EBF2: variants seen among roughly 807,000 people sequenced by gnomAD.
The protein encoded by EBF2 is transcription factor COE2.
A neutral mutation model predicts 72.8 loss-of-function variants in EBF2; 21 were observed. The observed-to-expected ratio is 0.29, with a 90% confidence interval of 0.20 to 0.42. The LOEUF (loss-of-function observed/expected upper bound fraction) is 0.42, where lower values mean the gene tolerates loss of function less well. EBF2 is among the 10% of genes least tolerant of loss of function. The pLI, the probability that EBF2 is intolerant of heterozygous loss-of-function variation, is 1.00. For missense variants in EBF2, 637 were observed against 731.2 expected (o/e 0.87, Z 1.49); for synonymous variants, 299 against 274.2 (o/e 1.09, Z -0.89).
At chr8:25,904,836 G>C (rs182152308) in intron 7 of EBF2, among the ~76,000 whole-genome samples, 1 of 152,126 alleles carries the variant, frequency 6.6e-6, no homozygotes, top group Non-Finnish European at 1.5e-5. Context: ...ATTCTTAGTA[G>C]AATCTAAGTA....
intron 10 of EBF2, among the ~76,000 whole-genome samples, chr8:25,880,580 G>A (rs1802590588): frequency 6.6e-6 from 1 of 151,950 alleles, no homozygotes; most frequent in African/African-American, 2.4e-5. Context: ...TTTTTTAAAT[G>A]TTCTCTTCTG....
intron 6 of EBF2, among the ~76,000 whole-genome samples, chr8:26,025,471 T>C (rs1237486856): frequency 1.3e-5 from 2 of 152,136 alleles, no homozygotes; most frequent in African/African-American, 4.8e-5. Context: ...GACTAAGGAT[T>C]TGATTTGCAT....
intron 6 of EBF2, among the ~76,000 whole-genome samples, chr8:25,954,418 A>G (rs1484351141): frequency 1.3e-5 from 2 of 152,190 alleles, no homozygotes; most frequent in Non-Finnish European, 2.9e-5. Context: ...GCCCATTCCT[A>G]CTTCGTTGGG....
intron 6 of EBF2, among the ~76,000 whole-genome samples, chr8:26,004,673 CAAAAAA>C (rs56848916): frequency 6.6e-5 from 3 of 45,446 alleles, no homozygotes; most frequent in African/African-American, 1.0e-4. Flanking sequence ...AGACTGTCTC[CAAAAAA>C]AAAAAAAAAA....
At chr8:25,965,580 AG>A (rs1251008580) in intron 6 of EBF2, among the ~76,000 whole-genome samples, 1 of 152,236 alleles carries the variant, frequency 6.6e-6, no homozygotes, top group African/African-American at 2.4e-5. Context: ...GTCAACTTTC[AG>A]CAGGAGATGA....
At chr8:26,006,334 C>A (rs1207935380) in intron 6 of EBF2, among the ~76,000 whole-genome samples, 1 of 152,162 alleles carries the variant, frequency 6.6e-6, no homozygotes, top group African/African-American at 2.4e-5. Context: ...TCTATTTTTT[C>A]ACCAAACATT....
intron 5 of EBF2, among the ~76,000 whole-genome samples, chr8:26,038,250 T>A (rs1463451544): frequency 6.6e-6 from 1 of 152,244 alleles, no homozygotes; most frequent in African/African-American, 2.4e-5. Flanking sequence ...TAATATTTAT[T>A]TTAAATTGTA....
intron 6 of EBF2, among the ~76,000 whole-genome samples, chr8:25,983,721 G>A (rs1045444938): frequency 2.0e-5 from 3 of 152,194 alleles, no homozygotes; most frequent in African/African-American, 7.2e-5. Context: ...GCTCATCAGG[G>A]GCCTCGCTGC....
chr8:26,020,623 C>T (rs917717546), intron 6 of EBF2, among the ~76,000 whole-genome samples: 2 of 151,904 alleles, frequency 1.3e-5, no homozygotes, highest in Non-Finnish European at 2.9e-5. Flanking sequence ...GAAAGGTAAA[C>T]AAAGGAAAAA....
chr8:25,857,975 TAAATA>T (rs1383330669), intron 14 of EBF2: 2 of 400,602 alleles, frequency 5.0e-6, no homozygotes, highest in Non-Finnish European at 9.6e-6. Flanking sequence ...TTATGGAGAT[TAAATA>T]AAATATTACA....
intron 6 of EBF2, among the ~76,000 whole-genome samples, chr8:25,913,191 C>T (rs1803156117): frequency 6.6e-6 from 1 of 152,042 alleles, no homozygotes; most frequent in African/African-American, 2.4e-5. Flanking sequence ...TCCTGTAATC[C>T]CAGCACTTTG....
intron 6 of EBF2, among the ~76,000 whole-genome samples, chr8:25,980,452 A>C (rs1804340925): frequency 6.6e-6 from 1 of 152,202 alleles, no homozygotes; most frequent in Non-Finnish European, 1.5e-5. Context: ...AAAAGAAAAA[A>C]GAAAGATCAA....
intron 6 of EBF2, among the ~76,000 whole-genome samples, chr8:25,963,334 A>G (rs949668404): frequency 1.3e-5 from 2 of 152,186 alleles, no homozygotes; most frequent in African/African-American, 4.8e-5. Flanking sequence ...CAAGATCTTC[A>G]TGTACCTGCC....
chr8:25,968,796 G>A (rs1804150633), intron 6 of EBF2, among the ~76,000 whole-genome samples: 1 of 152,196 alleles, frequency 6.6e-6, no homozygotes, highest in Non-Finnish European at 1.5e-5. Context: ...GACCTCAAGT[G>A]ATATGCCCGC....
chr8:25,937,750 T>C (rs1229601559), intron 6 of EBF2, among the ~76,000 whole-genome samples: 3 of 152,188 alleles, frequency 2.0e-5, no homozygotes. Context: ...ACTGTGTACA[T>C]TAAATAGTCA....
intron 6 of EBF2, among the ~76,000 whole-genome samples, chr8:25,944,932 T>C (rs17054669): frequency 0.068 from 10,295 of 152,034 alleles, 1,160 homozygotes; most frequent in African/African-American, 0.23. Context: ...AGGATACCAG[T>C]GTTCAGGACT....
chr8:25,867,187 C>T (rs1218999030), intron 10 of EBF2, among the ~76,000 whole-genome samples: 1 of 152,150 alleles, frequency 6.6e-6, no homozygotes, highest in Non-Finnish European at 1.5e-5. Context: ...ATATTAATAA[C>T]TAGGATTGTG....
At chr8:25,904,189 G>A (rs1766307318) in intron 7 of EBF2, among the ~76,000 whole-genome samples, 1 of 146,108 alleles carries the variant, frequency 6.8e-6, no homozygotes, top group South Asian at 2.1e-4. Flanking sequence ...GTATTTCAAT[G>A]GGATACAGAC....
At chr8:25,851,208 C>A (rs370070441) in intron 14 of EBF2, among the ~76,000 whole-genome samples, 1 of 148,724 alleles carries the variant, frequency 6.7e-6, no homozygotes, top group Non-Finnish European at 1.5e-5. Flanking sequence ...GTGCCTCCCC[C>A]ATAACTCCTA....
Sources: allele counts gnomAD v4.1 joint callset (sites outside exome capture counted in the v4.1 genomes callset), GRCh38; gene constraint gnomAD v4.1.1; transcripts MANE v1.5; gene names NCBI Gene and HGNC (gene_info 2026-07-23, HGNC 2026-07-21).